The following NFATC2 variants were observed in gnomAD, a reference collection of about 807,000 sequenced individuals.
The protein encoded by NFATC2 is nuclear factor of activated T-cells, cytoplasmic 2.
Under a neutral mutation model 87.3 loss-of-function variants are expected in NFATC2, and 22 were observed. The observed-to-expected ratio is 0.25, with a 90% CI of 0.18 to 0.36. The LOEUF (loss-of-function observed/expected upper bound fraction) is 0.36, where lower values mean the gene tolerates loss of function less well. Among genes scored for constraint, NFATC2 ranks in the 10% least tolerant of loss-of-function variants. The probability of loss-of-function intolerance (pLI) is 1.00; values close to 1 mark genes in which losing one functional copy is unlikely to be tolerated. For synonymous variants in NFATC2, 565 were observed against 542.2 expected, an observed-to-expected ratio of 1.04 and a Z score of -0.58; for missense variants, 1,149 against 1,259.1, an observed-to-expected ratio of 0.91 and a Z score of 1.32.
chr20:51,489,911 G>A (rs2075853882), intron 3 of NFATC2, among the ~76,000 whole-genome samples: 1 of 152,202 alleles, frequency 6.6e-6, no homozygotes, highest in Non-Finnish European at 1.5e-5. Flanking sequence ...ACACACGCAG[G>A]AATGACGATG....
chr20:51,507,184 G>A (rs1478337936), intron 3 of NFATC2, among the ~76,000 whole-genome samples: 2 of 152,336 alleles, frequency 1.3e-5, no homozygotes, highest in East Asian at 1.9e-4. Flanking sequence ...CAAGGCCAGG[G>A]CTTCATTGCT....
chr20:51,420,658 A>G (rs185084344), intron 9 of NFATC2, among the ~76,000 whole-genome samples: 1 of 152,362 alleles, frequency 6.6e-6, no homozygotes, highest in East Asian at 1.9e-4. Flanking sequence ...AAACAAAGGC[A>G]TCTGCTTGCA....
intron 3 of NFATC2, among the ~76,000 whole-genome samples, chr20:51,477,123 G>A (rs1988785775): frequency 6.6e-6 from 1 of 152,100 alleles, no homozygotes; most frequent in Admixed American, 6.5e-5. Flanking sequence ...TGAACAATGA[G>A]TTACATCAAT....
chr20:51,447,331 C>A (rs144873708), intron 6 of NFATC2, among the ~76,000 whole-genome samples: 1 of 152,216 alleles, frequency 6.6e-6, no homozygotes, highest in Non-Finnish European at 1.5e-5. Context: ...ACAAAAAATT[C>A]TCTTCAAACA....
chr20:51,516,515 G>C (rs1007771488), intron 3 of NFATC2, among the ~76,000 whole-genome samples: 1 of 152,210 alleles, frequency 6.6e-6, no homozygotes, highest in Non-Finnish European at 1.5e-5. Flanking sequence ...AACTCTAGCA[G>C]TTTCTCCATC....
intron 9 of NFATC2, among the ~76,000 whole-genome samples, chr20:51,408,714 C>A (rs1205656221): frequency 6.6e-6 from 1 of 152,140 alleles, no homozygotes; most frequent in Non-Finnish European, 1.5e-5. Flanking sequence ...CCCAAGGGTA[C>A]AAGGTAAGAC....
At chr20:51,439,426 A>G (rs941448831) in intron 6 of NFATC2, among the ~76,000 whole-genome samples, 13 of 152,000 alleles carry the variant, frequency 8.6e-5, no homozygotes, top group Middle Eastern at 3.4e-3. Flanking sequence ...CAGAGTCAGC[A>G]CTCCTTATGC....
intron 3 of NFATC2, among the ~76,000 whole-genome samples, chr20:51,499,045 TGAGG>T (rs577960917): frequency 1.3e-5 from 2 of 151,280 alleles, no homozygotes; most frequent in South Asian, 2.1e-4. Context: ...AGTGAGTGAG[TGAGG>T]AAGAGAGGCA....
At chr20:51,554,133 C>T (rs944335689) in intron 1 of NFATC2, among the ~76,000 whole-genome samples, 1 of 152,164 alleles carries the variant, frequency 6.6e-6, no homozygotes, top group Admixed American at 6.5e-5. Flanking sequence ...GGAGCACACA[C>T]CCCCACCGCC....
chr20:51,433,920 A>C (rs1983176534), intron 8 of NFATC2, among the ~76,000 whole-genome samples: 1 of 152,118 alleles, frequency 6.6e-6, no homozygotes, highest in South Asian at 2.1e-4. Flanking sequence ...CCCAACTGGG[A>C]GACTGAGAGC....
chr20:51,526,111 C>T (rs990030417), intron 1 of NFATC2, among the ~76,000 whole-genome samples: 10 of 152,110 alleles, frequency 6.6e-5, no homozygotes, highest in Admixed American at 2.6e-4. Context: ...TGAGATCGAC[C>T]CATCAAAAAG....
chr20:51,393,665 T>G (rs1986638995), intron 10 of NFATC2, among the ~76,000 whole-genome samples: 1 of 152,076 alleles, frequency 6.6e-6, no homozygotes, highest in Admixed American at 6.5e-5. Context: ...GTGTAGGACT[T>G]ATGTAGCGAA....
At chr20:51,414,144 C>T (rs1167939893) in intron 9 of NFATC2, among the ~76,000 whole-genome samples, 3 of 151,210 alleles carry the variant, frequency 2.0e-5, no homozygotes, top group East Asian at 2.0e-4. Flanking sequence ...AAAGGGTGGA[C>T]GTCAGCAAAT....
intron 10 of NFATC2, among the ~76,000 whole-genome samples, chr20:51,393,915 T>C (rs960316162): frequency 2.0e-5 from 3 of 152,062 alleles, no homozygotes; most frequent in Non-Finnish European, 4.4e-5. Context: ...GGATGGGAAG[T>C]AGGGAAACTT....
At position 51,387,657 on chromosome 20, in the gene NFATC2, C is replaced by T. The variant is rs940813834; in HGVS notation, c.*3839G>A. On this transcript the variant is annotated 3_prime_UTR_variant, in exon 11 of 11. Coordinates refer to ENST00000371564, the MANE Select transcript of NFATC2 (RefSeq NM_012340.5). ...TATGCAATTGGCTGCTTTGGTTCCACGAAACGTAATGCCCTAGCCTCGAGC... is the reference window on the plus strand; with the variant it reads ...TATGCAATTGGCTGCTTTGGTTCCATGAAACGTAATGCCCTAGCCTCGAGC... 23 of 152,172 alleles carry T rather than the reference C, an allele frequency of 1.5e-4. No homozygotes were observed. The highest frequency in any genetic ancestry group is 2.8e-4 in the Non-Finnish European group (19 of 68,004). The allele number at this position is 152,172 out of a possible 1,614,324, so 9.4% of individuals were successfully genotyped here.
intron 3 of NFATC2, among the ~76,000 whole-genome samples, chr20:51,484,560 T>C (rs4809846): frequency 0.87 from 132,937 of 152,234 alleles, 58,138 homozygotes; most frequent in East Asian, 0.94. Context: ...AGGAAGAGTC[T>C]GTGACATCAT....
Position 51,480,401 on chromosome 20 carries a change from C to T in NFATC2, c.1333-4741G>A, listed in dbSNP as rs1042786693. 2.0e-5 allele frequency among the ~76,000 whole-genome samples: 3 copies of T among 152,130 alleles called. No individual in the cohort carries two copies. Among genetic ancestry groups the T allele is most frequent in the African/African-American group, 7.2e-5 (3 of 41,432 alleles). On this transcript the variant is annotated intron_variant, in intron 3 of 10. Transcript: ENST00000371564. This position sits in a 1 kb window ranked among gnomAD's most constrained non-coding sequence, Gnocchi z 4.2. ...GGAGAGAAACAAACAGCAACCTAAACAAACAAAAACGGTAGTTCCTTGAGA... is the reference window on the plus strand; with the variant it reads ...GGAGAGAAACAAACAGCAACCTAAATAAACAAAAACGGTAGTTCCTTGAGA...
intron 9 of NFATC2, among the ~76,000 whole-genome samples, chr20:51,414,273 A>C (rs1202011515): frequency 6.6e-6 from 1 of 152,198 alleles, no homozygotes. Context: ...TAAATAAATA[A>C]ATAAATGGAA....
At chr20:51,555,594 A>AC (rs1257414574) in intron 1 of NFATC2, among the ~76,000 whole-genome samples, 3 of 106,618 alleles carry the variant, frequency 2.8e-5, no homozygotes, top group Non-Finnish European at 7.4e-5. Flanking sequence ...ACTCCATCTC[A>AC]AAAAAAAAAA....
Sources: gnomAD v4.1 joint callset for allele counts (sites outside exome capture counted in the v4.1 genomes callset) on GRCh38, gnomAD v4.1.1 for gene constraint, Gnocchi (gnomAD v3.1) non-coding constraint, MANE v1.5 for transcripts, NCBI Gene and HGNC (gene_info 2026-07-23, HGNC 2026-07-21) for gene names.